The following ERICH2 variants were observed in gnomAD, a reference collection of about 807,000 sequenced individuals.
The protein encoded by ERICH2 is glutamate rich 2.
A neutral mutation model predicts 17.4 loss-of-function variants in ERICH2; 17 were observed. The observed-to-expected ratio is 0.98, with a 90% CI of 0.67 to 1.47. The LOEUF is 1.47. Among genes scored for constraint, ERICH2 ranks in the 40% most tolerant of loss-of-function variants. ERICH2 has a pLI of 0.00. For synonymous variants in ERICH2, 51 were observed against 61.1 expected (o/e 0.83, Z 0.77); for missense variants, 186 against 183.2 (o/e 1.01, Z -0.09).
intron 2 of ERICH2, among the ~76,000 whole-genome samples, chr2:170,788,995 T>C (rs547747985): frequency 6.6e-6 from 1 of 152,092 alleles, no homozygotes; most frequent in South Asian, 2.1e-4. Context: ...AGAGTATTGC[T>C]CTGTCACCCA....
the ERICH2 span, chr2:170,778,229 T>C: frequency 2.6e-5 from 4 of 152,164 alleles, no homozygotes; most frequent in African/African-American, 9.7e-5. Flanking sequence ...TGTTCAAGGC[T>C]CTGATTCTGA....
At chr2:170,796,428 G>GGT (rs1701418961) in intron 3 of ERICH2, among the ~76,000 whole-genome samples, 1 of 114,552 alleles carries the variant, frequency 8.7e-6, no homozygotes, top group East Asian at 3.3e-4. Context: ...CTCTCTCTTT[G>GGT]TTTTTTTTTT....
chr2:170,779,698 G>T, upstream of ERICH2: 4 of 305,164 alleles, frequency 1.3e-5, no homozygotes, highest in South Asian at 1.3e-4. Flanking sequence ...AAAAAAAATT[G>T]TATCTCTAGG....
At chr2:170,791,432 A>G (rs982406024) in intron 2 of ERICH2, among the ~76,000 whole-genome samples, 6 of 151,866 alleles carry the variant, frequency 4.0e-5, no homozygotes, top group African/African-American at 1.5e-4. Flanking sequence ...GCATGCATTT[A>G]TCCATATTAA....
At chr2:170,796,408 TTA>T (rs1207586426) in intron 3 of ERICH2, among the ~76,000 whole-genome samples, 12 of 103,152 alleles carry the variant, frequency 1.2e-4, no homozygotes, top group Non-Finnish European at 2.0e-4. Flanking sequence ...TCCACAATGG[TTA>T]TCTCTCTCTC....
At chr2:170,781,206 A>T (rs541313057), upstream of ERICH2, among the ~76,000 whole-genome samples, 11 of 152,322 alleles carry the variant, frequency 7.2e-5, no homozygotes, top group South Asian at 2.1e-3. Flanking sequence ...CCATGAGGGA[A>T]AAAAACAGAG....
the ERICH2 span, chr2:170,777,853 G>C: frequency 5.0e-6 from 2 of 403,752 alleles, no homozygotes; most frequent in Non-Finnish European, 8.7e-6. Flanking sequence ...TAGAAGGACA[G>C]TTAAAATGAA....
the ERICH2 span, among the ~76,000 whole-genome samples, chr2:170,774,457 A>G: frequency 1.3e-5 from 2 of 152,132 alleles, no homozygotes; most frequent in Non-Finnish European, 2.9e-5. Flanking sequence ...CCCATTTTTC[A>G]GATGGAAGAA....
At chr2:170,797,728 G>T (rs1378100308) in intron 3 of ERICH2, among the ~76,000 whole-genome samples, 2 of 151,240 alleles carry the variant, frequency 1.3e-5, no homozygotes, top group Non-Finnish European at 2.9e-5. Context: ...GGAGGCAGAG[G>T]CTGCAGTGAG....
At chr2:170,791,123 G>A (rs935022373) in intron 2 of ERICH2, among the ~76,000 whole-genome samples, 6 of 151,796 alleles carry the variant, frequency 4.0e-5, no homozygotes, top group African/African-American at 1.5e-4. Context: ...CCACAAATAG[G>A]AAAGAAAATG....
At chr2:170,781,754 C>T, upstream of ERICH2, among the ~76,000 whole-genome samples, 1 of 91,132 alleles carries the variant, frequency 1.1e-5, no homozygotes, top group East Asian at 3.0e-4. Context: ...CATGAAGCTT[C>T]AAGTTTAAAG....
At chr2:170,777,200 G>A in the ERICH2 span, 1 of 164,864 alleles carries the variant, frequency 6.1e-6, no homozygotes, top group African/African-American at 2.4e-5. Context: ...AATTTTTTTA[G>A]GATGTTTTGA....
chr2:170,782,772 C>T (rs1701059428), upstream of ERICH2, among the ~76,000 whole-genome samples: 5 of 152,148 alleles, frequency 3.3e-5, no homozygotes, highest in South Asian at 1.0e-3. Context: ...AGAAGTCAGA[C>T]AGCTGACTAT....
intron 3 of ERICH2, among the ~76,000 whole-genome samples, chr2:170,795,354 A>G (rs527924144): frequency 6.6e-6 from 1 of 151,682 alleles, no homozygotes; most frequent in South Asian, 2.1e-4. Flanking sequence ...AAGTATTATT[A>G]TTACTATTTT....
At chr2:170,781,973 A>G (rs1454972061), upstream of ERICH2, among the ~76,000 whole-genome samples, 3 of 152,238 alleles carry the variant, frequency 2.0e-5, no homozygotes, top group East Asian at 1.9e-4. Context: ...AGACATTTAT[A>G]TAACTGATTA....
intron 3 of ERICH2, among the ~76,000 whole-genome samples, chr2:170,795,202 T>C (rs1346164236): frequency 1.3e-5 from 2 of 152,166 alleles, no homozygotes; most frequent in East Asian, 3.8e-4. Flanking sequence ...GGTCTTGAAC[T>C]GCTAGGCTCA....
chr2:170,774,278 A>T, the ERICH2 span, among the ~76,000 whole-genome samples: 1 of 152,170 alleles, frequency 6.6e-6, no homozygotes, highest in Non-Finnish European at 1.5e-5. Context: ...TGCTTCCCTA[A>T]GCAATTTTAA....
At chr2:170,788,819 G>C (rs947482648) in intron 2 of ERICH2, among the ~76,000 whole-genome samples, 1 of 151,962 alleles carries the variant, frequency 6.6e-6, no homozygotes, top group Admixed American at 6.6e-5. Context: ...GGAAAGAGTA[G>C]AACAATGAAC....
chr2:170,783,202 C>G (rs1202569900), upstream of ERICH2: 2 of 152,074 alleles, frequency 1.3e-5, no homozygotes, highest in Admixed American at 1.3e-4. Context: ...GTTGATTGTT[C>G]ATAGCTACAG....
Sources: allele counts gnomAD v4.1 joint callset (sites outside exome capture counted in the v4.1 genomes callset), GRCh38; gene constraint gnomAD v4.1.1; transcripts MANE v1.5; gene names NCBI Gene and HGNC (gene_info 2026-07-23, HGNC 2026-07-21).